The following TCF12 variants were observed in gnomAD, a reference collection of about 807,000 sequenced individuals.
TCF12 encodes the protein DNA-binding protein HTF4.
A neutral mutation model predicts 86.0 loss-of-function variants in TCF12; 45 were observed. The ratio of observed to expected loss-of-function variants is 0.52; its 90% CI spans 0.41 to 0.67. The LOEUF is 0.67. Ranked by LOEUF, TCF12 falls within the 30% of genes least tolerant of loss-of-function variation. The pLI is 0.00. For synonymous variants in TCF12, 330 were observed against 299.6 expected (o/e 1.10, Z -1.05); for missense variants, 881 against 859.9 (o/e 1.02, Z -0.31).
At chr15:56,958,764 C>G (rs2061612607) in intron 3 of TCF12, among the ~76,000 whole-genome samples, 1 of 151,674 alleles carries the variant, frequency 6.6e-6, no homozygotes, top group Non-Finnish European at 1.5e-5. Context: ...GTAATCCCAC[C>G]ACTTTGGGAG....
intron 6 of TCF12, among the ~76,000 whole-genome samples, chr15:57,176,361 A>G (rs1295684332): frequency 6.6e-6 from 1 of 152,196 alleles, no homozygotes; most frequent in South Asian, 2.1e-4. Flanking sequence ...TTCAACTTTT[A>G]TTCTAATACT....
chr15:56,923,527 T>C (rs2059882395), intron 3 of TCF12, among the ~76,000 whole-genome samples: 1 of 152,144 alleles, frequency 6.6e-6, no homozygotes, highest in South Asian at 2.1e-4. Flanking sequence ...TAAAGTGACC[T>C]TGAGAGAAAC....
chr15:57,090,706 G>A (rs866240410), intron 4 of TCF12, among the ~76,000 whole-genome samples: 2 of 152,086 alleles, frequency 1.3e-5, no homozygotes, highest in African/African-American at 2.4e-5. Context: ...TTTAGTCCCC[G>A]GGGATTCTGG....
At position 57,237,774 on chromosome 15, in the gene TCF12, T is replaced by C. The variant is rs117254938; in HGVS notation, c.1035+3667T>C. On this transcript the variant is annotated intron_variant, in intron 12 of 20. Transcript: ENST00000333725. ...ATTTAGAATAAAGCCAAATAAAGCC[T>C]GTGTTTAGAAGTTAAAGTAGCACAA... Among the ~76,000 whole-genome samples the C allele has an allele frequency of 1.5e-3, 231 of 152,338 alleles. 8 individuals are homozygous for C. The East Asian group carries it at 0.044, about 29-fold the overall frequency.
intron 5 of TCF12, among the ~76,000 whole-genome samples, chr15:57,144,339 T>TAGATGATGCGTAGTACA (rs1315571330): frequency 6.6e-6 from 1 of 152,174 alleles, no homozygotes; most frequent in Admixed American, 6.5e-5. Flanking sequence ...GAAAGAGAAA[T>TAGATGATGCGTAGTACA]AGATGATGCG....
At chr15:57,002,938 C>T (rs2064137597) in intron 3 of TCF12, among the ~76,000 whole-genome samples, 3 of 152,178 alleles carry the variant, frequency 2.0e-5, no homozygotes, top group Admixed American at 2.0e-4. Context: ...ATTGAATTTA[C>T]TGGTAAGCTG....
intron 8 of TCF12, among the ~76,000 whole-genome samples, chr15:57,222,647 T>G (rs1488997804): frequency 6.6e-6 from 1 of 151,640 alleles, no homozygotes; most frequent in Non-Finnish European, 1.5e-5. Context: ...GAACTCTGCC[T>G]GCATTCAGTT....
At chr15:57,223,653 T>TGTTTGTTTTTTTTTTG (rs1555400235) in intron 8 of TCF12, among the ~76,000 whole-genome samples, 13 of 135,294 alleles carry the variant, frequency 9.6e-5, no homozygotes, top group African/African-American at 3.3e-4. Context: ...GTTTTTTTTT[T>TGTTTGTTTTTTTTTTG]TTTTTTTTTT....
intron 3 of TCF12, among the ~76,000 whole-genome samples, chr15:57,008,490 G>A (rs1460076111): frequency 6.6e-6 from 1 of 151,824 alleles, no homozygotes; most frequent in East Asian, 1.9e-4. Context: ...AAGTAACTAG[G>A]ACTACAGGCA....
At chr15:57,168,909 G>A (rs2055099216) in intron 6 of TCF12, among the ~76,000 whole-genome samples, 4 of 152,098 alleles carry the variant, frequency 2.6e-5, no homozygotes, top group African/African-American at 9.7e-5. Flanking sequence ...AGCCGGGCGT[G>A]GTGGCAGGCT....
Position 57,251,428 on chromosome 15 carries a change from G to A in TCF12, c.1188+5G>A. ...GAAAACTCACTCCACTCCCTGGTAA[G>A]AGCCTCTTATACATCAGTTTTATCT... On this transcript the variant is annotated splice_donor_5th_base_variant and intron_variant, in intron 14 of 20. Transcript: ENST00000333725. The A allele has an allele frequency of 6.2e-7, 1 of 1,613,762 alleles. No individual in the cohort carries two copies. The highest frequency in any genetic ancestry group is 8.5e-7 in the Non-Finnish European group (1 of 1,179,798).
chr15:57,114,986 C>G (rs1379588823), intron 5 of TCF12, among the ~76,000 whole-genome samples: 2 of 151,888 alleles, frequency 1.3e-5, no homozygotes, highest in Non-Finnish European at 1.5e-5. Context: ...ATTTTGCTCT[C>G]TGTTTATGTT....
intron 4 of TCF12, among the ~76,000 whole-genome samples, chr15:57,086,044 A>T (rs2048600858): frequency 6.6e-6 from 1 of 152,066 alleles, no homozygotes; most frequent in African/African-American, 2.4e-5. Flanking sequence ...AGCATTTTAA[A>T]GATTTAGCAG....
chr15:57,217,624 T>A (rs1852863537), intron 8 of TCF12, among the ~76,000 whole-genome samples: 1 of 152,168 alleles, frequency 6.6e-6, no homozygotes, highest in African/African-American at 2.4e-5. Flanking sequence ...TTGTCAGTGC[T>A]TTGTGGCTCC....
intron 6 of TCF12, among the ~76,000 whole-genome samples, chr15:57,186,598 T>A (rs1437777025): frequency 1.3e-5 from 2 of 152,196 alleles, no homozygotes; most frequent in African/African-American, 4.8e-5. Flanking sequence ...ACTGCCTAAT[T>A]AATTCTGTGA....
At chr15:56,980,824 C>T (rs2062854626) in intron 3 of TCF12, among the ~76,000 whole-genome samples, 2 of 152,144 alleles carry the variant, frequency 1.3e-5, no homozygotes, top group Admixed American at 1.3e-4. Flanking sequence ...CAGATTTGTG[C>T]TTTCCGTGAA....
chr15:57,250,041 A>G (rs960575426), intron 13 of TCF12, among the ~76,000 whole-genome samples: 8 of 150,506 alleles, frequency 5.3e-5, no homozygotes, highest in African/African-American at 2.0e-4. Context: ...TTCTTTTTCT[A>G]TCTTTATTTT....
intron 3 of TCF12, among the ~76,000 whole-genome samples, chr15:57,019,602 T>A (rs1400946110): frequency 6.6e-6 from 1 of 152,048 alleles, no homozygotes; most frequent in African/African-American, 2.4e-5. Context: ...ATGTGCTGAG[T>A]CCACCCACCT....
At chr15:56,947,909 C>T (rs1350303285) in intron 3 of TCF12, among the ~76,000 whole-genome samples, 1 of 152,082 alleles carries the variant, frequency 6.6e-6, no homozygotes, top group African/African-American at 2.4e-5. Context: ...TTGCATGGAG[C>T]AGAGCTGGGT....
Sources: gnomAD v4.1 joint callset for allele counts (sites outside exome capture counted in the v4.1 genomes callset) on GRCh38, gnomAD v4.1.1 for gene constraint, MANE v1.5 for transcripts, NCBI Gene and HGNC (gene_info 2026-07-23, HGNC 2026-07-21) for gene names.